TBC1D10A: variants seen among roughly 807,000 people sequenced by gnomAD.
The protein encoded by TBC1D10A is EBP50-PDX interactor of 64 kDa.
TBC1D10A carries 24 observed loss-of-function variants against 52.9 expected under a neutral mutation model. That is an observed-to-expected ratio of 0.45 (90% CI 0.33 to 0.64). The LOEUF is 0.64. TBC1D10A is among the 30% of genes least tolerant of loss of function. TBC1D10A has a pLI of 0.02. For synonymous variants in TBC1D10A, 278 were observed against 282.9 expected (o/e 0.98, Z 0.17); for missense variants, 602 against 687.9 (o/e 0.88, Z 1.40).
intron 1 of TBC1D10A, among the ~76,000 whole-genome samples, chr22:30,321,218 G>A (rs1009600610): frequency 1.3e-4 from 20 of 152,258 alleles, no homozygotes; most frequent in Admixed American, 1.1e-3. Context: ...ATATTCCTTC[G>A]AGGCTAAGAA....
intron 3 of TBC1D10A, 45 bp downstream of exon 3, chr22:30,299,399 C>A: frequency 6.3e-7 from 1 of 1,592,340 alleles, no homozygotes; most frequent in South Asian, 1.1e-5. Flanking sequence ...GGGAGGACGC[C>A]AAGAGATGCG....
chr22:30,321,010 G>C (rs933136977), intron 1 of TBC1D10A, among the ~76,000 whole-genome samples: 1 of 152,218 alleles, frequency 6.6e-6, no homozygotes, highest in South Asian at 2.1e-4. Flanking sequence ...CCCTTGGGAG[G>C]TCCTGTTTCA....
chr22:30,311,576 A>T (rs956429285), intron 1 of TBC1D10A, among the ~76,000 whole-genome samples: 1 of 152,148 alleles, frequency 6.6e-6, no homozygotes, highest in African/African-American at 2.4e-5. Flanking sequence ...GCACAATGGT[A>T]AACAGGTTCT....
Sources: gnomAD v4.1 joint callset for allele counts (sites outside exome capture counted in the v4.1 genomes callset) on GRCh38, gnomAD v4.1.1 for gene constraint, MANE v1.5 for transcripts, NCBI Gene and HGNC (gene_info 2026-07-23, HGNC 2026-07-21) for gene names.